GABRA2: variants seen among roughly 807,000 people sequenced by gnomAD.
The protein encoded by GABRA2 is gamma-aminobutyric acid type A receptor subunit alpha2.
In GABRA2, 16 loss-of-function variants were observed where a neutral mutation model predicts 48.7. The ratio of observed to expected loss-of-function variants is 0.33; its 90% CI spans 0.22 to 0.50. The LOEUF (loss-of-function observed/expected upper bound fraction) is 0.50, where lower values mean the gene tolerates loss of function less well. GABRA2 is among the 20% of genes least tolerant of loss of function. The pLI, the probability that GABRA2 is intolerant of heterozygous loss-of-function variation, is 0.98. For synonymous variants in GABRA2, 185 were observed against 184.5 expected (o/e 1.00, Z -0.02); for missense variants, 275 against 535.6 (o/e 0.51, Z 4.80).
chr4:46,341,616 A>G (rs964468914), intron 3 of GABRA2, among the ~76,000 whole-genome samples: 12 of 151,990 alleles, frequency 7.9e-5, no homozygotes, highest in African/African-American at 2.7e-4. Flanking sequence ...GATTAGGGGG[A>G]AGTAACATCT....
At chr4:46,268,690 TTTAC>T (rs1718727753) in intron 8 of GABRA2, among the ~76,000 whole-genome samples, 1 of 151,882 alleles carries the variant, frequency 6.6e-6, no homozygotes, top group African/African-American at 2.4e-5. Context: ...CTTCTGGGAA[TTTAC>T]CCCAAAGACT....
chr4:46,303,177 G>A (rs279872), intron 8 of GABRA2: 141,048 of 305,626 alleles, frequency 0.46, 34,931 homozygotes, highest in African/African-American at 0.69. Flanking sequence ...AATTCACCTT[G>A]TGTAAATATA....
At chr4:46,373,136 T>A (rs576844801) in intron 3 of GABRA2, among the ~76,000 whole-genome samples, 1 of 152,294 alleles carries the variant, frequency 6.6e-6, no homozygotes, top group East Asian at 1.9e-4. Context: ...GGTGGGGTAG[T>A]AGCTAAAAGA....
chr4:46,270,186 T>C (rs1023882867), intron 8 of GABRA2, among the ~76,000 whole-genome samples: 22 of 151,984 alleles, frequency 1.4e-4, no homozygotes, highest in Non-Finnish European at 2.5e-4. Context: ...CATATCTAAA[T>C]TATATTTTCT....
intron 4 of GABRA2, among the ~76,000 whole-genome samples, chr4:46,330,589 T>G (rs71609468): frequency 0.7 from 87,335 of 124,426 alleles, 29,353 homozygotes; most frequent in African/African-American, 0.75. Context: ...TATATATATA[T>G]ATAGAGAGAG....
chr4:46,355,917 A>C (rs1453458195), intron 3 of GABRA2, among the ~76,000 whole-genome samples: 4 of 152,168 alleles, frequency 2.6e-5, no homozygotes, highest in African/African-American at 9.7e-5. Flanking sequence ...AAATGTAGTC[A>C]AAACACTCTT....
chr4:46,348,603 T>C (rs1734572928), intron 3 of GABRA2, among the ~76,000 whole-genome samples: 1 of 151,718 alleles, frequency 6.6e-6, no homozygotes, highest in Admixed American at 6.6e-5. Context: ...TCATAAAAAA[T>C]GATGAGGTCA....
chr4:46,355,473 A>G (rs1735815745), intron 3 of GABRA2, among the ~76,000 whole-genome samples: 1 of 152,166 alleles, frequency 6.6e-6, no homozygotes, highest in African/African-American at 2.4e-5. Context: ...TTTTTCCCCC[A>G]GTAGACCCTT....
Position 46,264,986 on chromosome 4 carries a change from C to CATATATATATATAT in GABRA2, c.857-2872_857-2859dup, listed in dbSNP as rs72160209. ...CAATTGTTCCCAGAATTACTTTATACATATATATATATATATGTATAAAGA... is the reference window on the plus strand; with the variant it reads ...CAATTGTTCCCAGAATTACTTTATACATATATATATATATATATATATATATATATGTATAAAGA... On this transcript the variant is annotated intron_variant, in intron 8 of 9. Coordinates refer to ENST00000381620, the MANE Select transcript of GABRA2 (RefSeq NM_000807.4). Among the ~76,000 whole-genome samples, 210 of 107,510 alleles carry CATATATATATATAT rather than the reference C, an allele frequency of 2.0e-3. 13 individuals carry two copies. Among genetic ancestry groups the CATATATATATATAT allele is most frequent in the South Asian group, 6.5e-3 (15 of 2,320 alleles). 70.5% of individuals were successfully genotyped at this position (107,510 alleles called of 152,430 possible).
At chr4:46,289,903 ATTTAT>A in intron 8 of GABRA2, among the ~76,000 whole-genome samples, 1 of 145,016 alleles carries the variant, frequency 6.9e-6, no homozygotes, top group Middle Eastern at 3.6e-3. Context: ...TTATTTATTT[ATTTAT>A]TTTTATTTTT....
intron 4 of GABRA2, among the ~76,000 whole-genome samples, chr4:46,331,690 T>A (rs955721936): frequency 2.6e-5 from 4 of 152,110 alleles, no homozygotes; most frequent in African/African-American, 7.2e-5. Context: ...ACCTAACACA[T>A]CAAACCAATT....
intron 3 of GABRA2, among the ~76,000 whole-genome samples, chr4:46,333,861 A>G (rs1383158404): frequency 1.3e-5 from 2 of 152,124 alleles, no homozygotes; most frequent in Non-Finnish European, 2.9e-5. Context: ...AACCCAAGCA[A>G]TCTAGTTTCT....
chr4:46,267,046 C>T (rs1380011932), intron 8 of GABRA2, among the ~76,000 whole-genome samples: 2 of 151,876 alleles, frequency 1.3e-5, no homozygotes, highest in East Asian at 1.9e-4. Flanking sequence ...TTTCACCTTT[C>T]TCTTTCTACT....
At chr4:46,255,179 T>C (rs1214670920) in intron 9 of GABRA2, among the ~76,000 whole-genome samples, 6 of 151,632 alleles carry the variant, frequency 4.0e-5, no homozygotes, top group African/African-American at 1.2e-4. Flanking sequence ...CCTAGCATAG[T>C]TCCTGGCTCA....
intron 3 of GABRA2, among the ~76,000 whole-genome samples, chr4:46,354,037 A>T (rs1440003074): frequency 6.6e-6 from 1 of 152,188 alleles, no homozygotes; most frequent in Non-Finnish European, 1.5e-5. Context: ...AAGAATTAAT[A>T]AAAAATAGTG....
intron 6 of GABRA2, among the ~76,000 whole-genome samples, chr4:46,309,925 C>A (rs1458702847): frequency 6.6e-6 from 1 of 152,106 alleles, no homozygotes; most frequent in Non-Finnish European, 1.5e-5. Context: ...AACTCCTGGT[C>A]TAATTTTACA....
intron 3 of GABRA2, among the ~76,000 whole-genome samples, chr4:46,371,563 T>TAATTTTTTC (rs1422866188): frequency 2.0e-5 from 3 of 151,588 alleles, no homozygotes; most frequent in Non-Finnish European, 4.4e-5. Flanking sequence ...AGATTAGTTT[T>TAATTTTTTC]AATTTTTTCT....
intron 8 of GABRA2, among the ~76,000 whole-genome samples, chr4:46,287,752 A>T (rs1722835974): frequency 6.6e-6 from 1 of 152,034 alleles, no homozygotes; most frequent in Non-Finnish European, 1.5e-5. Context: ...CACATTGTGC[A>T]CATGTACCCT....
chr4:46,264,986 CATATAT>C (rs72160209), intron 8 of GABRA2, among the ~76,000 whole-genome samples: 12,432 of 107,530 alleles, frequency 0.12, 2,152 homozygotes, highest in African/African-American at 0.37. Context: ...TTACTTTATA[CATATAT>C]ATATATATAT....
Sources: gnomAD v4.1 joint callset for allele counts (sites outside exome capture counted in the v4.1 genomes callset) on GRCh38, gnomAD v4.1.1 for gene constraint, MANE v1.5 for transcripts, NCBI Gene and HGNC (gene_info 2026-07-23, HGNC 2026-07-21) for gene names.